The following CACNA2D3 variants were observed in gnomAD, a reference collection of about 807,000 sequenced individuals.
CACNA2D3 encodes voltage-dependent calcium channel subunit alpha-2/delta-3.
In CACNA2D3, 60 loss-of-function variants were observed where a neutral mutation model predicts 160.6. The ratio of observed to expected loss-of-function variants is 0.37; its 90% CI spans 0.30 to 0.46. CACNA2D3 has a LOEUF of 0.46. Among genes scored for constraint, CACNA2D3 ranks in the 20% least tolerant of loss-of-function variants. The pLI is 1.00. For synonymous variants in CACNA2D3, 558 were observed against 492.9 expected (o/e 1.13, Z -1.75); for missense variants, 1,205 against 1,365.0 (o/e 0.88, Z 1.85).
At chr3:54,811,729 G>T (rs899529397) in intron 13 of CACNA2D3, among the ~76,000 whole-genome samples, 1 of 151,978 alleles carries the variant, frequency 6.6e-6, no homozygotes, top group Non-Finnish European at 1.5e-5. Context: ...TCGAACTCCT[G>T]ACCTCGGGTG....
chr3:54,290,420 A>G (rs1054587540), intron 2 of CACNA2D3, among the ~76,000 whole-genome samples: 1 of 152,318 alleles, frequency 6.6e-6, no homozygotes, highest in East Asian at 1.9e-4. Context: ...CAGGTGCTGG[A>G]GAGGATGTGG....
chr3:54,482,585 T>C (rs897458613), intron 4 of CACNA2D3, among the ~76,000 whole-genome samples: 19 of 152,224 alleles, frequency 1.2e-4, no homozygotes, highest in African/African-American at 3.6e-4. Flanking sequence ...ATTTATATTA[T>C]TTGTCTTCTT....
intron 8 of CACNA2D3, among the ~76,000 whole-genome samples, chr3:54,571,077 A>G (rs1702488599): frequency 6.6e-6 from 1 of 152,136 alleles, no homozygotes; most frequent in South Asian, 2.1e-4. Context: ...TTGGTCCGGA[A>G]AGGCAGGACA....
At chr3:54,963,802 C>T (rs1160454314) in intron 27 of CACNA2D3, among the ~76,000 whole-genome samples, 4 of 152,192 alleles carry the variant, frequency 2.6e-5, no homozygotes, top group Non-Finnish European at 5.9e-5. Flanking sequence ...ATACACCTAT[C>T]ACCCAGCACA....
intron 4 of CACNA2D3, among the ~76,000 whole-genome samples, chr3:54,402,970 A>G (rs1345183813): frequency 6.6e-6 from 1 of 152,226 alleles, no homozygotes; most frequent in African/African-American, 2.4e-5. Flanking sequence ...AATCAACAAT[A>G]GGAAGATTTT....
chr3:54,291,216 A>G (rs1703195019), intron 2 of CACNA2D3, among the ~76,000 whole-genome samples: 1 of 152,190 alleles, frequency 6.6e-6, no homozygotes, highest in African/African-American at 2.4e-5. Flanking sequence ...TTTACCTATC[A>G]TGAACATATA....
At chr3:54,664,696 C>G (rs938107900) in intron 11 of CACNA2D3, among the ~76,000 whole-genome samples, 1 of 152,186 alleles carries the variant, frequency 6.6e-6, no homozygotes, top group African/African-American at 2.4e-5. Flanking sequence ...AAGGCCATTT[C>G]GTGGGCCTAA....
At chr3:54,811,808 G>A (rs372193340) in intron 13 of CACNA2D3, among the ~76,000 whole-genome samples, 3 of 152,236 alleles carry the variant, frequency 2.0e-5, no homozygotes, top group African/African-American at 7.2e-5. Flanking sequence ...GCCTCTGTCA[G>A]TTCTTATCTA....
intron 12 of CACNA2D3, among the ~76,000 whole-genome samples, chr3:54,758,031 C>A (rs779289939): frequency 1.3e-5 from 2 of 152,152 alleles, no homozygotes; most frequent in Non-Finnish European, 2.9e-5. Flanking sequence ...TTCAATGTGC[C>A]ATAATTAACA....
At chr3:54,201,178 A>G (rs547428319) in intron 2 of CACNA2D3, among the ~76,000 whole-genome samples, 2 of 152,366 alleles carry the variant, frequency 1.3e-5, no homozygotes, top group South Asian at 4.1e-4. Context: ...CGTTTTGTAT[A>G]TATTGGATTA....
At chr3:54,321,350 T>A (rs1444418854) in intron 3 of CACNA2D3, among the ~76,000 whole-genome samples, 3 of 151,984 alleles carry the variant, frequency 2.0e-5, no homozygotes, top group Non-Finnish European at 4.4e-5. Flanking sequence ...AAGAGATGTG[T>A]TGCCCAGGCT....
chr3:54,389,319 G>C (rs1055762695), intron 4 of CACNA2D3, among the ~76,000 whole-genome samples: 1 of 151,844 alleles, frequency 6.6e-6, no homozygotes, highest in Non-Finnish European at 1.5e-5. Flanking sequence ...AGACAAATGA[G>C]GGGGAATGTC....
intron 2 of CACNA2D3, among the ~76,000 whole-genome samples, chr3:54,284,447 T>C (rs550105730): frequency 6.6e-6 from 1 of 152,172 alleles, no homozygotes; most frequent in South Asian, 2.1e-4. Context: ...CAATAACATA[T>C]AATGTTAACT....
chr3:54,965,864 G>C (rs1039721080), intron 27 of CACNA2D3, among the ~76,000 whole-genome samples: 2 of 152,134 alleles, frequency 1.3e-5, no homozygotes, highest in Non-Finnish European at 2.9e-5. Context: ...TGTGAGTGAG[G>C]AGAGAGGGAA....
At chr3:55,027,747 C>T (rs938910351) in intron 35 of CACNA2D3, among the ~76,000 whole-genome samples, 7 of 152,156 alleles carry the variant, frequency 4.6e-5, no homozygotes, top group African/African-American at 7.2e-5. Context: ...TCAGAAATTA[C>T]GCAGTAAGAT....
intron 35 of CACNA2D3, 103 bp from the exon 36 acceptor site, chr3:55,073,342 T>G: frequency 1.5e-6 from 1 of 670,240 alleles, no homozygotes; most frequent in South Asian, 1.9e-5. Flanking sequence ...AAAATTTGCT[T>G]TACAAAATAT....
At chr3:54,298,951 A>G (rs1179068887) in intron 2 of CACNA2D3, among the ~76,000 whole-genome samples, 1 of 82,398 alleles carries the variant, frequency 1.2e-5, no homozygotes, top group Admixed American at 1.1e-4. Flanking sequence ...TCTTAAAAAA[A>G]AAAAAAAAAA....
intron 3 of CACNA2D3, among the ~76,000 whole-genome samples, chr3:54,336,190 C>G (rs934927861): frequency 1.8e-4 from 28 of 152,132 alleles, no homozygotes; most frequent in South Asian, 1.7e-3. Context: ...GCATGGACGC[C>G]CTCCTGCTCT....
chr3:54,989,480 T>A (rs1418062580), intron 31 of CACNA2D3, among the ~76,000 whole-genome samples: 1 of 152,222 alleles, frequency 6.6e-6, no homozygotes, highest in Non-Finnish European at 1.5e-5. Context: ...CTGGGCTTCT[T>A]TGACGGGCCT....
Sources: allele counts gnomAD v4.1 joint callset (sites outside exome capture counted in the v4.1 genomes callset), GRCh38; gene constraint gnomAD v4.1.1; transcripts MANE v1.5; gene names NCBI Gene and HGNC (gene_info 2026-07-23, HGNC 2026-07-21).